Variants in TFAP2B observed in about 807,000 individuals in gnomAD.
TFAP2B encodes the protein transcription factor AP-2-beta.
TFAP2B carries 9 observed loss-of-function variants against 44.3 expected under a neutral mutation model. The observed-to-expected ratio is 0.20, with a 90% confidence interval of 0.12 to 0.35. TFAP2B has a LOEUF of 0.35. TFAP2B is among the 10% of genes least tolerant of loss of function. TFAP2B has a pLI of 1.00. For missense variants in TFAP2B, 509 were observed against 600.0 expected (o/e 0.85, Z 1.59); for synonymous variants, 270 against 263.8 (o/e 1.02, Z -0.23).
At chr6:50,837,549 C>G (rs1490135954) in intron 4 of TFAP2B, among the ~76,000 whole-genome samples, 6 of 152,140 alleles carry the variant, frequency 3.9e-5, no homozygotes, top group Non-Finnish European at 7.4e-5. Flanking sequence ...CAAAGCCCAC[C>G]TGTTGCAGCA....
intron 1 of TFAP2B, among the ~76,000 whole-genome samples, chr6:50,820,317 C>G (rs534943764): frequency 6.6e-6 from 1 of 152,238 alleles, no homozygotes; most frequent in African/African-American, 2.4e-5. Context: ...GACTCACAGG[C>G]GCGGCCGGCA....
intron 6 of TFAP2B, among the ~76,000 whole-genome samples, chr6:50,842,126 G>A (rs776444992): frequency 7.2e-5 from 11 of 152,220 alleles, no homozygotes; most frequent in Admixed American, 2.6e-4. Flanking sequence ...AGACCCATAG[G>A]CTGGGTACAG....
intron 3 of TFAP2B, 68 bp downstream of exon 3, chr6:50,828,747 T>C: frequency 6.5e-7 from 1 of 1,532,552 alleles, no homozygotes; most frequent in Admixed American, 1.7e-5. Context: ...TGATGAATTT[T>C]CACTTTGGGG....
At chr6:50,827,078 A>ATGAGGCG (rs1770529295) in intron 2 of TFAP2B, among the ~76,000 whole-genome samples, 1 of 152,186 alleles carries the variant, frequency 6.6e-6, no homozygotes, top group Non-Finnish European at 1.5e-5. Context: ...CACGTCGCTG[A>ATGAGGCG]TGAGGCGTTT....
chr6:50,844,637 A>AG lies in TFAP2B; in HGVS notation c.*1250dup, dbSNP rs1762803536. The AG allele has an allele frequency of 6.6e-6, 1 of 152,616 alleles. No individual in the cohort carries two copies. The highest frequency in any genetic ancestry group is 2.1e-4 in the South Asian group (1 of 4,836). 9.5% of individuals were successfully genotyped at this position (152,616 alleles called of 1,614,324 possible). ...CCAATTCCGGTGGAGGTGGCAGGGG[A>AG]GGGGGTCTGCAAAATGAATTTTAAG... is the stretch of plus-strand genomic sequence containing the variant. On this transcript the variant is annotated 3_prime_UTR_variant, in exon 7 of 7. Coordinates refer to ENST00000393655, the MANE Select transcript of TFAP2B (RefSeq NM_003221.4).
Position 50,847,164 on chromosome 6 carries a change from C to A in TFAP2B, c.*3772C>A, listed in dbSNP as rs66462826. 23,120 of 152,148 alleles carry A rather than the reference C, an allele frequency of 0.15. 1,985 individuals carry two copies. Among genetic ancestry groups the A allele is most frequent in the African/African-American group, 0.24 (9,808 of 41,320 alleles). The allele number at this position is 152,148 out of a possible 1,614,324, so 9.4% of individuals were successfully genotyped here. On this transcript the variant is annotated 3_prime_UTR_variant, in exon 7 of 7. Coordinates refer to ENST00000393655, the MANE Select transcript of TFAP2B (RefSeq NM_003221.4). ...CCAAACGGCGTTTCCCCACCTTTGA[C>A]GATGTATGTGAAATTACTGGCTTAA...
intron 1 of TFAP2B, chr6:50,822,200 C>T (rs775890717): frequency 1.6e-6 from 2 of 1,287,488 alleles, no homozygotes; most frequent in South Asian, 1.2e-5. Flanking sequence ...TGCATGCTCC[C>T]TCCTCTCACT....
At chr6:50,839,806 AAAAG>A (rs1428495752) in intron 5 of TFAP2B, among the ~76,000 whole-genome samples, 5 of 152,344 alleles carry the variant, frequency 3.3e-5, no homozygotes, top group African/African-American at 1.2e-4. Flanking sequence ...AGATGCTTTA[AAAAG>A]AAAGAGGAAT....
chr6:50,836,950 A>ACTC (rs1156794336), intron 4 of TFAP2B, among the ~76,000 whole-genome samples: 1 of 152,058 alleles, frequency 6.6e-6, no homozygotes, highest in Non-Finnish European at 1.5e-5. Context: ...CCAGAGACTG[A>ACTC]CTCCTCCTCG....
At chr6:50,824,608 C>T (rs76474860) in intron 2 of TFAP2B, among the ~76,000 whole-genome samples, 1,573 of 152,282 alleles carry the variant, frequency 0.01, 18 homozygotes, top group African/African-American at 0.036. Context: ...TATTCTCCAC[C>T]TCCCTCTCCT....
chr6:50,841,637 G>A (rs1214146586), intron 6 of TFAP2B, among the ~76,000 whole-genome samples: 1 of 152,130 alleles, frequency 6.6e-6, no homozygotes, highest in Non-Finnish European at 1.5e-5. Flanking sequence ...CAGCTGGTGA[G>A]CTTTTTCAAG....
chr6:50,841,170 A>G lies in TFAP2B; in HGVS notation c.1082+873A>G, dbSNP rs376587251. Reference sequence around the variant, plus strand: ...TAATGTCCCAGAACTTTAATTGCTTACAGACCCTGGTTTGGGCTTTGAAGA... The same window carrying G: ...TAATGTCCCAGAACTTTAATTGCTTGCAGACCCTGGTTTGGGCTTTGAAGA... On this transcript the variant is annotated intron_variant, in intron 6 of 6. Coordinates refer to ENST00000393655, the MANE Select transcript of TFAP2B (RefSeq NM_003221.4). Among the ~76,000 whole-genome samples the G allele has an allele frequency of 3.0e-3, 450 of 152,366 alleles. 1 individual carries two copies. The highest frequency in any genetic ancestry group is 6.8e-3 in the Middle Eastern group (2 of 294).
At position 50,845,356 on chromosome 6, in the gene TFAP2B, G is replaced by A. The variant is rs1001672900; in HGVS notation, c.*1964G>A. ...AGTGGGGATTGCGTTGGGGTTTTAG[G>A]AATCTGCTGAGAGCTTTGCCCATTT... On this transcript the variant is annotated 3_prime_UTR_variant, in exon 7 of 7. Coordinates refer to ENST00000393655, the MANE Select transcript of TFAP2B (RefSeq NM_003221.4). 2 of 152,116 alleles carry A rather than the reference G, an allele frequency of 1.3e-5. No individual in the cohort carries two copies. Among genetic ancestry groups the A allele is most frequent in the African/African-American group, 4.8e-5 (2 of 41,422 alleles). 9.4% of individuals were successfully genotyped at this position (152,116 alleles called of 1,614,324 possible).
intron 3 of TFAP2B, chr6:50,830,434 TC>T: frequency 2.5e-6 from 1 of 399,616 alleles, no homozygotes; most frequent in Non-Finnish European, 3.4e-6. Context: ...CAAGGTTGTC[TC>T]CAGGAATAAG....
At position 50,822,735 on chromosome 6, in the gene TFAP2B, C is replaced by T. The variant is rs144399844; in HGVS notation, c.82-672C>T. ...TCATCATTGGCTTAGGATATGATTT[C>T]GAATGAGATCCATTTCAATGAAACA... On this transcript the variant is annotated intron_variant, in intron 1 of 6. Transcript: ENST00000393655. Among the ~76,000 whole-genome samples the T allele has an allele frequency of 3.7e-3, 571 of 152,284 alleles. 3 individuals carry two copies. The highest frequency in any genetic ancestry group is 0.036 in the South Asian group (172 of 4,826).
At chr6:50,818,441 A>C (rs1770233260), upstream of TFAP2B, among the ~76,000 whole-genome samples, 1 of 152,194 alleles carries the variant, frequency 6.6e-6, no homozygotes, top group African/African-American at 2.4e-5. Flanking sequence ...CTACATAGAA[A>C]ATAGGGGACT....
chr6:50,821,436 C>G (rs902255053), intron 1 of TFAP2B, among the ~76,000 whole-genome samples: 1 of 152,182 alleles, frequency 6.6e-6, no homozygotes, highest in Non-Finnish European at 1.5e-5. Flanking sequence ...ACAAAGCACC[C>G]AAGGCGACCA....
At chr6:50,838,254 T>A (rs1762660411) in intron 5 of TFAP2B, among the ~76,000 whole-genome samples, 161 bp downstream of exon 5, 1 of 152,156 alleles carries the variant, frequency 6.6e-6, no homozygotes, top group Non-Finnish European at 1.5e-5. Context: ...AAAGGTCCTT[T>A]TACTTAGAGG....
In TFAP2B at chr6:50,818,883, C is replaced by T. The variant is rs375744745; in HGVS notation, c.-9C>T. The T allele has an allele frequency of 4.3e-6, 7 of 1,613,764 alleles. No individual in the cohort carries two copies. In the African/African-American group the frequency reaches 6.7e-5, roughly 15 times the overall value. ...GTCCTGAGAAGCCAGACATCTGCTC[C>T]TCACATGAATGCACTCACCTCCTAG... On this transcript the variant is annotated 5_prime_UTR_variant, in exon 1 of 7. Coordinates refer to ENST00000393655, the MANE Select transcript of TFAP2B (RefSeq NM_003221.4).
Sources: allele counts gnomAD v4.1 joint callset (sites outside exome capture counted in the v4.1 genomes callset), GRCh38; gene constraint gnomAD v4.1.1; transcripts MANE v1.5; gene names NCBI Gene and HGNC (gene_info 2026-07-23, HGNC 2026-07-21).